ACACA: variants seen among roughly 807,000 people sequenced by gnomAD.
ACACA encodes the protein acetyl-CoA carboxylase alpha, also known as acetyl-CoA carboxylase 1.
In ACACA, 103 loss-of-function variants were observed where a neutral mutation model predicts 296.1. The ratio of observed to expected loss-of-function variants is 0.35; its 90% CI spans 0.30 to 0.41. The LOEUF (loss-of-function observed/expected upper bound fraction) is 0.41. ACACA is among the 10% of genes least tolerant of loss of function. The probability of loss-of-function intolerance (pLI) is 1.00; values close to 1 mark genes in which losing one functional copy is unlikely to be tolerated. For synonymous variants in ACACA, 953 were observed against 1,038.6 expected (o/e 0.92, Z 1.58); for missense variants, 1,554 against 2,989.7 (o/e 0.52, Z 11.20).
At chr17:37,353,416 G>C (rs969474255) in intron 1 of ACACA, among the ~76,000 whole-genome samples, 2 of 151,850 alleles carry the variant, frequency 1.3e-5, no homozygotes, top group Non-Finnish European at 2.9e-5. Flanking sequence ...CAAGGCTGGC[G>C]GATCACTTGA....
chr17:37,246,061 T>C (rs2080682043), intron 19 of ACACA, among the ~76,000 whole-genome samples: 1 of 151,706 alleles, frequency 6.6e-6, no homozygotes, highest in East Asian at 1.9e-4. Context: ...CCTGCCCTTC[T>C]TCACCTGCTC....
chr17:37,143,522 T>G (rs1263838135), intron 45 of ACACA: 1 of 436,398 alleles, frequency 2.3e-6, no homozygotes, highest in African/African-American at 2.1e-5. Context: ...CTAAAGACAC[T>G]TTTGGTAGTG....
At chr17:37,160,576 A>T (rs2076419717) in intron 42 of ACACA, among the ~76,000 whole-genome samples, 1 of 152,174 alleles carries the variant, frequency 6.6e-6, no homozygotes, top group African/African-American at 2.4e-5. Context: ...AGTCAACAGA[A>T]CTGTTTTTTT....
rs1323859342 is a variant in ACACA, at chr17:37,260,282, ATATATATATATATATTT to A, written c.1330-769_1330-753del. ...TATATATATATATATATATATATAT[ATATATATATATATATTT>A]TTTTTTTTTTTTTTTTTGGAGATGG... is the stretch of plus-strand genomic sequence containing the variant. On this transcript the variant is annotated intron_variant, in intron 11 of 55. Transcript: ENST00000616317. Among the ~76,000 whole-genome samples, 40 of 35,604 alleles carry A rather than the reference ATATATATATATATATTT, an allele frequency of 1.1e-3. 2 individuals are homozygous for A. Among genetic ancestry groups the A allele is most frequent in the South Asian group, 8.3e-3 (6 of 726 alleles). 23.4% of individuals were successfully genotyped at this position (35,604 alleles called of 152,430 possible).
At chr17:37,297,531 G>GTA (rs763378162) in intron 3 of ACACA, among the ~76,000 whole-genome samples, 1,414 of 116,494 alleles carry the variant, frequency 0.012, 24 homozygotes, top group East Asian at 0.1. Flanking sequence ...ATATGTGTGT[G>GTA]TATATATATA....
intron 41 of ACACA, among the ~76,000 whole-genome samples, chr17:37,174,018 A>ATTTTTTTTT (rs2077008643): frequency 2.5e-3 from 38 of 15,432 alleles, no homozygotes; most frequent in Non-Finnish European, 3.5e-3. Flanking sequence ...ATATATATAT[A>ATTTTTTTTT]TATTTTTTTT....
In ACACA at chr17:37,087,373, G is replaced by C; in HGVS notation, c.7095C>G (p.Pro2365=). Reference sequence around the variant, plus strand: ...TCCGTATGACTTCTGCTCGCTGAGTGGGTGATATGTGCTGCGTCATATGGA... The same window carrying C: ...TCCGTATGACTTCTGCTCGCTGAGTCGGTGATATGTGCTGCGTCATATGGA... ...SIIHMTQHIS[P]TQRAEVIRIL... Residue 2365 remains proline, a synonymous_variant, in exon 56 of 56, where the codon CCC becomes CCG. Transcript: ENST00000616317. 6.2e-7 allele frequency: 1 copy of C among 1,614,112 alleles called. No homozygotes were observed. Among genetic ancestry groups the C allele is most frequent in the Non-Finnish European group, 8.5e-7 (1 of 1,179,998 alleles).
At chr17:37,291,806 C>G (rs1432177856) in intron 3 of ACACA, among the ~76,000 whole-genome samples, 1 of 151,998 alleles carries the variant, frequency 6.6e-6, no homozygotes, top group Admixed American at 6.6e-5. Context: ...TACGATTATA[C>G]TAATCTGAGA....
intron 16 of ACACA, among the ~76,000 whole-genome samples, chr17:37,250,763 C>T (rs1211235422): frequency 2.6e-5 from 4 of 152,300 alleles, no homozygotes; most frequent in South Asian, 2.1e-4. Context: ...CGGTGGCTCA[C>T]GCCTGTAATC....
At chr17:37,356,029 G>T (rs188478475) in intron 1 of ACACA, among the ~76,000 whole-genome samples, 1 of 152,120 alleles carries the variant, frequency 6.6e-6, no homozygotes, top group Non-Finnish European at 1.5e-5. Context: ...AATTAGCCGG[G>T]CATGGTGGCG....
chr17:37,373,632 G>A (rs1174206167), intron 1 of ACACA, among the ~76,000 whole-genome samples: 1 of 152,122 alleles, frequency 6.6e-6, no homozygotes, highest in Non-Finnish European at 1.5e-5. Context: ...TTCATCTTTC[G>A]CCAAGCACAA....
intron 5 of ACACA, among the ~76,000 whole-genome samples, chr17:37,278,471 A>G (rs2082366343): frequency 6.6e-6 from 1 of 152,234 alleles, no homozygotes; most frequent in South Asian, 2.1e-4. Context: ...CTGGCTAAAC[A>G]AGAAAGGTTA....
intron 52 of ACACA, among the ~76,000 whole-genome samples, chr17:37,108,533 C>T (rs1003908908): frequency 1.3e-5 from 2 of 152,102 alleles, no homozygotes; most frequent in Non-Finnish European, 2.9e-5. Context: ...GGACTACAGG[C>T]ATGCACCACC....
At chr17:37,319,136 T>TA (rs1292749026) in intron 3 of ACACA, among the ~76,000 whole-genome samples, 1 of 152,018 alleles carries the variant, frequency 6.6e-6, no homozygotes, top group Admixed American at 6.6e-5. Flanking sequence ...GTCACTGTCA[T>TA]AAAAAAAGGT....
At chr17:37,181,795 G>A (rs920161456) in intron 39 of ACACA, among the ~76,000 whole-genome samples, 2 of 150,056 alleles carry the variant, frequency 1.3e-5, no homozygotes, top group East Asian at 4.0e-4. Flanking sequence ...AGCTACTCGG[G>A]AGGCTGAGGC....
intron 25 of ACACA, among the ~76,000 whole-genome samples, chr17:37,227,056 T>C (rs1287719680): frequency 6.6e-6 from 1 of 152,132 alleles, no homozygotes; most frequent in Admixed American, 6.5e-5. Flanking sequence ...AATCATTCCA[T>C]GATACTTAAA....
intron 1 of ACACA, chr17:37,391,949 A>G: frequency 1.8e-6 from 1 of 550,492 alleles, no homozygotes; most frequent in Non-Finnish European, 3.2e-6. Flanking sequence ...ATCTAAATGG[A>G]TACCTTTCCA....
intron 2 of ACACA, among the ~76,000 whole-genome samples, chr17:37,339,180 G>A (rs1488041227): frequency 6.6e-6 from 1 of 152,198 alleles, no homozygotes; most frequent in African/African-American, 2.4e-5. Flanking sequence ...AGAAGATAAT[G>A]GGTGCCTTCT....
At chr17:37,237,616 T>C (rs2080174738) in intron 24 of ACACA, among the ~76,000 whole-genome samples, 1 of 152,248 alleles carries the variant, frequency 6.6e-6, no homozygotes, top group South Asian at 2.1e-4. Flanking sequence ...TACTTCTTCT[T>C]CTGTAAAATA....
Sources: gnomAD v4.1 joint callset for allele counts (sites outside exome capture counted in the v4.1 genomes callset) on GRCh38, gnomAD v4.1.1 for gene constraint, MANE v1.5 for transcripts, NCBI Gene and HGNC (gene_info 2026-07-23, HGNC 2026-07-21) for gene names.